SGCZ: variants seen among roughly 807,000 people sequenced by gnomAD.
SGCZ encodes the protein zeta-sarcoglycan.
In SGCZ, 40 loss-of-function variants were observed where a neutral mutation model predicts 41.3. The ratio of observed to expected loss-of-function variants is 0.97; its 90% CI spans 0.75 to 1.26. The LOEUF (loss-of-function observed/expected upper bound fraction) is 1.26, where lower values mean the gene tolerates loss of function less well. SGCZ is among the 50% of genes most tolerant of loss of function. The pLI, the probability that SGCZ is intolerant of heterozygous loss-of-function variation, is 0.00. For missense variants in SGCZ, 552 were observed against 369.8 expected (o/e 1.49, Z -4.04); for synonymous variants, 206 against 137.5 (o/e 1.50, Z -3.49).
chr8:14,136,487 C>G (rs906349029), intron 5 of SGCZ, among the ~76,000 whole-genome samples: 4 of 152,176 alleles, frequency 2.6e-5, no homozygotes, highest in South Asian at 4.1e-4. Flanking sequence ...AATGGCACAC[C>G]AGTACATTAT....
intron 1 of SGCZ, among the ~76,000 whole-genome samples, chr8:15,092,525 A>T (rs901446568): frequency 3.9e-5 from 6 of 152,234 alleles, no homozygotes; most frequent in African/African-American, 1.4e-4. Context: ...TCATTTACAT[A>T]TTAAATGAAT....
intron 3 of SGCZ, among the ~76,000 whole-genome samples, chr8:14,280,741 A>G (rs1400730588): frequency 1.3e-5 from 2 of 151,168 alleles, no homozygotes; most frequent in African/African-American, 4.9e-5. Context: ...CGAGGAAGTT[A>G]TGTTCTTATA....
intron 3 of SGCZ, among the ~76,000 whole-genome samples, chr8:14,303,672 T>C (rs1801263069): frequency 1.3e-5 from 2 of 152,158 alleles, no homozygotes; most frequent in South Asian, 4.1e-4. Flanking sequence ...CAGTGTCTTC[T>C]TGGTTTTTAG....
rs146446039 is a variant in SGCZ at position 15,051,664 on chromosome 8, G to A, written c.39+185921C>T. Among the ~76,000 whole-genome samples the A allele has an allele frequency of 2.5e-3, 382 of 152,162 alleles. 4 individuals are homozygous for A. The highest frequency in any genetic ancestry group is 0.02 in the East Asian group (102 of 5,164). ...CTCCACAGTCTTGCCCACCGTTGGT[G>A]TTACCATTTTTTAAAAAAATTTAGC... On this transcript the variant is annotated intron_variant, in intron 1 of 7. Coordinates refer to ENST00000382080, the MANE Select transcript of SGCZ (RefSeq NM_139167.4).
At chr8:14,175,840 A>T (rs1455287532) in intron 4 of SGCZ, among the ~76,000 whole-genome samples, 2 of 152,150 alleles carry the variant, frequency 1.3e-5, no homozygotes, top group African/African-American at 4.8e-5. Context: ...ATCACACAAG[A>T]CTAAAACATA....
intron 1 of SGCZ, among the ~76,000 whole-genome samples, chr8:14,873,196 A>C (rs977787198): frequency 6.6e-6 from 1 of 152,176 alleles, no homozygotes; most frequent in Non-Finnish European, 1.5e-5. Flanking sequence ...GTAGAGGAAT[A>C]GCTTTGGCTG....
chr8:14,856,180 A>T (rs1803539848), intron 1 of SGCZ, among the ~76,000 whole-genome samples: 1 of 152,200 alleles, frequency 6.6e-6, no homozygotes, highest in Non-Finnish European at 1.5e-5. Context: ...GGTGTTTAAG[A>T]TTTAGCTAAG....
At chr8:14,872,689 A>G (rs547457406) in intron 1 of SGCZ, among the ~76,000 whole-genome samples, 1 of 152,244 alleles carries the variant, frequency 6.6e-6, no homozygotes, top group South Asian at 2.1e-4. Flanking sequence ...TTGTATCATC[A>G]ACTAAACTAA....
chr8:14,491,608 T>C (rs1280619290), intron 2 of SGCZ, among the ~76,000 whole-genome samples: 1 of 152,166 alleles, frequency 6.6e-6, no homozygotes, highest in African/African-American at 2.4e-5. Context: ...TCAATATGAA[T>C]ATATGTGTGT....
intron 1 of SGCZ, among the ~76,000 whole-genome samples, chr8:14,860,437 G>GGGAAAGAGAAGAGAGAA (rs911956848): frequency 1.3e-5 from 2 of 150,264 alleles, no homozygotes; most frequent in African/African-American, 4.9e-5. Context: ...GGGAGGGAGA[G>GGGAAAGAGAAGAGAGAA]GGAAAGAGAA....
rs192543495 is a variant in SGCZ at position 14,864,764 on chromosome 8, C to T, written c.40-309838G>A. On this transcript the variant is annotated intron_variant, in intron 1 of 7. Coordinates refer to ENST00000382080, the MANE Select transcript of SGCZ (RefSeq NM_139167.4). Reference sequence around the variant, plus strand: ...GATCTCCATACACATTTTTCATAACCGGTAACTAATTTGTATTCCCACCAA... The same window carrying T: ...GATCTCCATACACATTTTTCATAACTGGTAACTAATTTGTATTCCCACCAA... 4.0e-3 allele frequency among the ~76,000 whole-genome samples: 615 copies of T among 152,078 alleles called. 4 individuals are homozygous for T. The highest frequency in any genetic ancestry group is 0.01 in the Middle Eastern group (3 of 294).
intron 1 of SGCZ, among the ~76,000 whole-genome samples, chr8:14,839,832 T>C (rs1802838164): frequency 6.6e-6 from 1 of 152,208 alleles, no homozygotes; most frequent in Non-Finnish European, 1.5e-5. Flanking sequence ...TCATCTAGCC[T>C]GTCTTATTTA....
At chr8:14,402,254 T>A (rs1031287437) in intron 2 of SGCZ, among the ~76,000 whole-genome samples, 1 of 151,684 alleles carries the variant, frequency 6.6e-6, no homozygotes, top group Non-Finnish European at 1.5e-5. Context: ...TTCACTCTGA[T>A]GGTAGTTTCT....
chr8:14,577,425 G>A (rs921806657), intron 1 of SGCZ, among the ~76,000 whole-genome samples: 9 of 123,502 alleles, frequency 7.3e-5, no homozygotes, highest in African/African-American at 1.6e-4. Flanking sequence ...GTCTCACTCC[G>A]TCAGCCAGGC....
chr8:14,738,688 C>G (rs2130269096), intron 1 of SGCZ, among the ~76,000 whole-genome samples: 1 of 152,144 alleles, frequency 6.6e-6, no homozygotes, highest in East Asian at 1.9e-4. Context: ...TATTAAGATT[C>G]CTTCAGAGGA....
intron 2 of SGCZ, among the ~76,000 whole-genome samples, chr8:14,426,636 A>C (rs1005051669): frequency 7.2e-5 from 11 of 152,138 alleles, no homozygotes; most frequent in Non-Finnish European, 1.0e-4. Flanking sequence ...AATGCTGTTC[A>C]GCTGAACCAA....
intron 1 of SGCZ, among the ~76,000 whole-genome samples, chr8:14,941,965 A>G (rs1800289604): frequency 1.3e-5 from 2 of 151,998 alleles, no homozygotes; most frequent in Admixed American, 6.6e-5. Flanking sequence ...GTGAGAATTA[A>G]ACACTGTTCC....
At chr8:14,688,980 G>A (rs1025305435) in intron 1 of SGCZ, among the ~76,000 whole-genome samples, 9 of 151,990 alleles carry the variant, frequency 5.9e-5, no homozygotes, top group Middle Eastern at 3.2e-3. Context: ...CAGACAAACA[G>A]AGAGCCAAAT....
intron 3 of SGCZ, among the ~76,000 whole-genome samples, chr8:14,286,698 T>G (rs1277449383): frequency 1.3e-5 from 2 of 152,176 alleles, no homozygotes; most frequent in African/African-American, 4.8e-5. Flanking sequence ...TTTCAAAGTT[T>G]GACTTTTAGA....
Sources: gnomAD v4.1 joint callset for allele counts (sites outside exome capture counted in the v4.1 genomes callset) on GRCh38, gnomAD v4.1.1 for gene constraint, MANE v1.5 for transcripts, NCBI Gene and HGNC (gene_info 2026-07-23, HGNC 2026-07-21) for gene names.